Variants in FBXO25 observed in about 807,000 individuals in gnomAD.
FBXO25 encodes the protein F-box only protein 25.
A neutral mutation model predicts 51.9 loss-of-function variants in FBXO25; 45 were observed. The ratio of observed to expected loss-of-function variants is 0.87; its 90% CI spans 0.68 to 1.11. FBXO25 has a LOEUF of 1.11. FBXO25 is among the 50% of genes most tolerant of loss of function. The pLI is 0.00. For synonymous variants in FBXO25, 199 were observed against 151.0 expected (o/e 1.32, Z -2.33); for missense variants, 507 against 428.5 (o/e 1.18, Z -1.62).
In FBXO25 at chr8:473,999, TAC is replaced by T. The variant is rs1299585348; in HGVS notation, c.*5197_*5198del. 1 of 152,218 alleles carries T rather than the reference TAC, an allele frequency of 6.6e-6. No individual in the cohort carries two copies. Among genetic ancestry groups the T allele is most frequent in the African/African-American group, 2.4e-5 (1 of 41,450 alleles). The allele number at this position is 152,218 out of a possible 1,614,324, so 9.4% of individuals were successfully genotyped here. A position where few individuals can be genotyped will look rare whatever the true frequency, so the allele number is the denominator to read the frequency against. On this transcript the variant is annotated 3_prime_UTR_variant, in exon 10 of 10. Coordinates refer to ENST00000350302, the MANE Select transcript of FBXO25 (RefSeq NM_183420.2). ...AAGTGTGCAATTTAGTGGCATTAAATACATTCATACTGTGCAACCTTCTCTAC... is the reference window on the plus strand; with the variant it reads ...AAGTGTGCAATTTAGTGGCATTAAATATTCATACTGTGCAACCTTCTCTAC...
chr8:416,059 T>A (rs528656776), intron 2 of FBXO25, among the ~76,000 whole-genome samples: 1 of 152,190 alleles, frequency 6.6e-6, no homozygotes, highest in Non-Finnish European at 1.5e-5. Flanking sequence ...CATTGCTTGC[T>A]CCTCCTTGTT....
chr8:476,352 G>A lies in FBXO25; in HGVS notation c.*7548G>A, dbSNP rs1032835919. ...TTTTTTCTTATAGTGTCTTTGTCTG[G>A]TTTTGGTATCAGAATAATGATGGCC... is the stretch of plus-strand genomic sequence containing the variant. On this transcript the variant is annotated 3_prime_UTR_variant, in exon 10 of 10. Transcript: ENST00000350302. The A allele has an allele frequency of 2.6e-5, 4 of 152,062 alleles. No homozygotes were observed. Among genetic ancestry groups the A allele is most frequent in the African/African-American group, 9.7e-5 (4 of 41,372 alleles). The allele number at this position is 152,062 out of a possible 1,614,324, so 9.4% of individuals were successfully genotyped here.
At chr8:422,379 G>A (rs935795678) in intron 2 of FBXO25, among the ~76,000 whole-genome samples, 5 of 152,138 alleles carry the variant, frequency 3.3e-5, no homozygotes, top group Admixed American at 1.3e-4. Context: ...ATAATTGACC[G>A]GTACTCTTCA....
chr8:411,507 A>G (rs1563058294), intron 1 of FBXO25, among the ~76,000 whole-genome samples: 1 of 152,120 alleles, frequency 6.6e-6, no homozygotes, highest in Non-Finnish European at 1.5e-5. Context: ...CTGAATGCTC[A>G]TGATTTTCCT....
At chr8:445,866 C>T (rs1357072679) in intron 5 of FBXO25, among the ~76,000 whole-genome samples, 4 of 152,186 alleles carry the variant, frequency 2.6e-5, no homozygotes, top group Admixed American at 6.5e-5. Flanking sequence ...AGTGAAACTC[C>T]GTCTCACAAA....
intron 8 of FBXO25, among the ~76,000 whole-genome samples, chr8:459,023 G>A (rs763800578): frequency 3.3e-5 from 5 of 152,164 alleles, no homozygotes; most frequent in Non-Finnish European, 5.9e-5. Context: ...GAGTGCACGT[G>A]GGGCAGCAGA....
intron 9 of FBXO25, chr8:468,368 G>A (rs1800326593): frequency 2.7e-6 from 2 of 736,518 alleles, no homozygotes; most frequent in African/African-American, 1.9e-5. Context: ...GGGACCAGAG[G>A]ACAGAAAGTC....
chr8:410,318 T>C (rs1261971653), intron 1 of FBXO25, among the ~76,000 whole-genome samples: 5 of 152,336 alleles, frequency 3.3e-5, no homozygotes, highest in African/African-American at 1.2e-4. Context: ...TTGCACACTT[T>C]TGAGGGCAGG....
chr8:444,882 T>C (rs1798641216), intron 5 of FBXO25, among the ~76,000 whole-genome samples: 1 of 152,250 alleles, frequency 6.6e-6, no homozygotes, highest in South Asian at 2.1e-4. Flanking sequence ...CACTCTGTGA[T>C]GTTCACACAG....
chr8:458,397 A>T lies in FBXO25; in HGVS notation c.689A>T (p.Asp230Val). The T allele has an allele frequency of 6.2e-7, 1 of 1,613,964 alleles. No homozygotes were observed. Among genetic ancestry groups the T allele is most frequent in the Non-Finnish European group, 8.5e-7 (1 of 1,179,938 alleles). Residue 230 changes from aspartate (D) to valine (V), a missense_variant, in exon 8 of 10, where the codon GAC becomes GTC. By Grantham distance (152) the Asp-to-Val change is radical. Transcript: ENST00000350302. ...GTGAACAATGGCCTCACCCTCAGTG[A>T]CCTTCCTCTGCACATGCTGAACAAC... Reference protein sequence around the residue: ...KQVNNGLTLSDLPLHMLNNIL... With the variant: ...KQVNNGLTLSVLPLHMLNNIL...
intron 7 of FBXO25, among the ~76,000 whole-genome samples, chr8:452,407 T>C (rs1203064939): frequency 6.8e-6 from 1 of 147,134 alleles, no homozygotes; most frequent in African/African-American, 2.6e-5. Context: ...GCTGCCTCTT[T>C]TACTGCGTTC....
intron 2 of FBXO25, among the ~76,000 whole-genome samples, chr8:430,715 A>G (rs973087746): frequency 1.3e-5 from 2 of 152,228 alleles, no homozygotes; most frequent in African/African-American, 4.8e-5. Context: ...TTTAAAAAGT[A>G]AAAGGTGTTC....
At position 453,560 on chromosome 8, in the gene FBXO25, T is replaced by C. The variant is rs374288287; in HGVS notation, c.660+2107T>C. Among the ~76,000 whole-genome samples, 6 of 152,198 alleles carry C rather than the reference T, an allele frequency of 3.9e-5. No individual in the cohort carries two copies. In the East Asian group the frequency reaches 1.2e-3, roughly 29 times the overall value. Reference sequence around the variant, plus strand: ...AGATGCCGGACTCAGTCAGCCAAATTGGTCTAAGGCTGCTTAAGGTAAAGA... The same window carrying C: ...AGATGCCGGACTCAGTCAGCCAAATCGGTCTAAGGCTGCTTAAGGTAAAGA... On this transcript the variant is annotated intron_variant, in intron 7 of 9. Coordinates refer to ENST00000350302, the MANE Select transcript of FBXO25 (RefSeq NM_183420.2).
Position 469,994 on chromosome 8 carries a change from G to C in FBXO25, c.*1190G>C, listed in dbSNP as rs1317511508. The C allele has an allele frequency of 6.6e-6, 1 of 152,084 alleles. No individual in the cohort carries two copies. Among genetic ancestry groups the C allele is most frequent in the Non-Finnish European group, 1.5e-5 (1 of 68,020 alleles). 9.4% of individuals were successfully genotyped at this position (152,084 alleles called of 1,614,324 possible). On this transcript the variant is annotated 3_prime_UTR_variant, in exon 10 of 10. Coordinates refer to ENST00000350302, the MANE Select transcript of FBXO25 (RefSeq NM_183420.2). Reference sequence around the variant, plus strand: ...CTCCTGAGGCGATGCAAATACCTGGGGCCTCTGCGAATATATGTTAGTTTT... The same window carrying C: ...CTCCTGAGGCGATGCAAATACCTGGCGCCTCTGCGAATATATGTTAGTTTT...
intron 5 of FBXO25, among the ~76,000 whole-genome samples, chr8:445,484 A>G (rs960896775): frequency 3.3e-5 from 5 of 152,230 alleles, no homozygotes; most frequent in African/African-American, 9.6e-5. Flanking sequence ...GATTTTGGTC[A>G]TGTGAGTTAT....
chr8:439,389 GCT>G (rs1242868621), intron 5 of FBXO25, among the ~76,000 whole-genome samples: 7 of 152,150 alleles, frequency 4.6e-5, no homozygotes, highest in Admixed American at 2.6e-4. Context: ...TGTTAAATAT[GCT>G]CTGTTTCCTA....
At chr8:416,424 C>T (rs1436945806) in intron 2 of FBXO25, among the ~76,000 whole-genome samples, 1 of 152,114 alleles carries the variant, frequency 6.6e-6, no homozygotes. Flanking sequence ...TATTTTTTGT[C>T]CAGAACACCT....
intron 2 of FBXO25, among the ~76,000 whole-genome samples, chr8:424,628 T>TC (rs1237689359): frequency 1.3e-5 from 2 of 152,230 alleles, no homozygotes; most frequent in African/African-American, 4.8e-5. Flanking sequence ...ATGGTCTTTT[T>TC]CCACTGCTGT....
At chr8:468,007 A>G (rs1212729968) in intron 9 of FBXO25, 1 of 1,324,168 alleles carries the variant, frequency 7.6e-7, no homozygotes, top group East Asian at 3.2e-5. Context: ...ACTTCACCAC[A>G]CAGCACCTGG....
Sources: allele counts gnomAD v4.1 joint callset (sites outside exome capture counted in the v4.1 genomes callset), GRCh38; gene constraint gnomAD v4.1.1; transcripts MANE v1.5; gene names NCBI Gene and HGNC (gene_info 2026-07-23, HGNC 2026-07-21).